TDP1: variants seen among roughly 807,000 people sequenced by gnomAD.
TDP1 encodes the protein tyr-DNA phosphodiesterase 1.
In TDP1, 64 loss-of-function variants were observed where a neutral mutation model predicts 81.5. The ratio of observed to expected loss-of-function variants is 0.79; its 90% CI spans 0.64 to 0.97. The LOEUF (loss-of-function observed/expected upper bound fraction) is 0.97, where lower values mean the gene tolerates loss of function less well. TDP1 is among the 50% of genes least tolerant of loss of function. The pLI is 0.00. For missense variants in TDP1, 723 were observed against 743.8 expected (o/e 0.97, Z 0.33); for synonymous variants, 256 against 264.3 (o/e 0.97, Z 0.30).
chr14:89,957,785 T>C (rs957330602), intron 2 of TDP1, among the ~76,000 whole-genome samples: 1 of 152,246 alleles, frequency 6.6e-6, no homozygotes, highest in Non-Finnish European at 1.5e-5. Context: ...CAAATTTCAC[T>C]CACACTCACC....
chr14:89,984,881 T>C, intron 9 of TDP1, 198 bp downstream of exon 9: 5 of 985,454 alleles, frequency 5.1e-6, no homozygotes, highest in Non-Finnish European at 6.0e-6. Context: ...CAGTGAATCC[T>C]CATGTTTACC....
chr14:89,992,927 A>G (rs1896341178), intron 13 of TDP1: 1 of 985,034 alleles, frequency 1.0e-6, no homozygotes. Context: ...GCTTTTCAAC[A>G]TTCATTTTTT....
At chr14:90,041,239 G>A (rs1888324809) in intron 16 of TDP1, among the ~76,000 whole-genome samples, 1 of 152,200 alleles carries the variant, frequency 6.6e-6, no homozygotes, top group Non-Finnish European at 1.5e-5. Context: ...AGGGCTTGCT[G>A]AGGCCAATGA....
intron 6 of TDP1, among the ~76,000 whole-genome samples, chr14:89,971,837 A>G (rs1219910578): frequency 1.3e-5 from 2 of 152,100 alleles, no homozygotes; most frequent in Non-Finnish European, 2.9e-5. Context: ...TAAAACTTGT[A>G]GTTTTTTGTG....
intron 3 of TDP1, 43 bp from the exon 4 acceptor site, chr14:89,966,104 G>A: frequency 7.4e-7 from 1 of 1,359,534 alleles, no homozygotes; most frequent in Non-Finnish European, 1.1e-6. Flanking sequence ...ATGACTAGAG[G>A]ATTTTTGTGA....
At chr14:89,996,502 C>T (rs1008792032) in intron 14 of TDP1, among the ~76,000 whole-genome samples, 4 of 152,192 alleles carry the variant, frequency 2.6e-5, no homozygotes, top group African/African-American at 9.7e-5. Context: ...CTCTTTCAGC[C>T]TCTGCTGGTC....
At chr14:90,014,824 T>C (rs1885129042) in intron 14 of TDP1, among the ~76,000 whole-genome samples, 1 of 152,228 alleles carries the variant, frequency 6.6e-6, no homozygotes, top group African/African-American at 2.4e-5. Flanking sequence ...TGATGGCAAC[T>C]GTTCCCATTA....
At chr14:89,973,924 G>A (rs1242581577) in intron 6 of TDP1, among the ~76,000 whole-genome samples, 1 of 152,140 alleles carries the variant, frequency 6.6e-6, no homozygotes, top group Non-Finnish European at 1.5e-5. Flanking sequence ...GAGGGAGAGG[G>A]AGGAAGACAG....
chr14:89,991,337 T>C (rs1314267810), intron 12 of TDP1, among the ~76,000 whole-genome samples: 1 of 152,248 alleles, frequency 6.6e-6, no homozygotes, highest in African/African-American at 2.4e-5. Context: ...TTAACAAAGC[T>C]GTTTTATAAC....
chr14:89,989,162 C>A, intron 11 of TDP1, 72 bp downstream of exon 11: 3 of 1,124,812 alleles, frequency 2.7e-6, no homozygotes, highest in Non-Finnish European at 3.6e-6. Flanking sequence ...AATTGGTCCT[C>A]TTTGTAATGG....
rs543450890 is a variant in TDP1, at chr14:90,033,144, T to G, written c.1683T>G (p.Ala561=). The G allele has an allele frequency of 9.3e-5, 150 of 1,613,700 alleles. No individual in the cohort carries two copies. The African/African-American group carries it at 1.9e-3, about 20-fold the overall frequency. The change falls in exon 16 of 17, where the codon GCT becomes GCG. Residue 561 remains alanine, a synonymous_variant. Coordinates refer to ENST00000335725, the MANE Select transcript of TDP1 (RefSeq NM_018319.4). ...TCAAAGTGAAACAGAAGTTCTTCGCTGGCAGCCAGGAGCCAATGGCCACCT... is the reference window on the plus strand; with the variant it reads ...TCAAAGTGAAACAGAAGTTCTTCGCGGGCAGCCAGGAGCCAATGGCCACCT... ...DSFKVKQKFF[A]GSQEPMATFP...
intron 12 of TDP1, 144 bp downstream of exon 12, chr14:89,989,909 C>T (rs1895997337): frequency 2.8e-6 from 2 of 719,040 alleles, no homozygotes; most frequent in African/African-American, 1.8e-5. Flanking sequence ...ATATGAAGCT[C>T]TGCATTCCGC....
intron 11 of TDP1, chr14:89,989,380 C>T (rs892679923): frequency 6.8e-5 from 67 of 984,904 alleles, no homozygotes; most frequent in Non-Finnish European, 8.1e-5. Flanking sequence ...GTTGTTGAAC[C>T]AAGGTAGAAA....
At chr14:89,970,142 C>T (rs1055340717) in intron 5 of TDP1, among the ~76,000 whole-genome samples, 6 of 152,100 alleles carry the variant, frequency 3.9e-5, no homozygotes, top group African/African-American at 1.2e-4. Context: ...TCCCAAAGTG[C>T]TGGGATTACA....
At chr14:89,986,375 C>T (rs554145143) in intron 10 of TDP1, among the ~76,000 whole-genome samples, 3 of 152,260 alleles carry the variant, frequency 2.0e-5, no homozygotes, top group Admixed American at 6.5e-5. Flanking sequence ...ACTTCCCTCC[C>T]GTGATTGTGA....
At chr14:89,967,447 A>T in intron 5 of TDP1, 25 bp downstream of exon 5, 1 of 1,600,548 alleles carries the variant, frequency 6.2e-7, no homozygotes, top group Non-Finnish European at 8.6e-7. Context: ...GTGACAGACA[A>T]CACTATAAAC....
intron 7 of TDP1, chr14:89,980,048 A>G (rs36124253): frequency 0.035 from 12,086 of 349,542 alleles, 417 homozygotes; most frequent in African/African-American, 0.11. Flanking sequence ...TTTACATTTC[A>G]GTGTATTGTG....
intron 13 of TDP1, 107 bp downstream of exon 13, chr14:89,992,090 A>G (rs1203940475): frequency 2.7e-5 from 24 of 899,470 alleles, no homozygotes; most frequent in Non-Finnish European, 4.3e-5. Flanking sequence ...TAATATAGCT[A>G]TATTCTTTCA....
At position 89,980,478 on chromosome 14, in the gene TDP1, G is replaced by C. The variant is rs927937817; in HGVS notation, c.792-62G>C. 92 of 1,508,378 alleles carry C rather than the reference G, an allele frequency of 6.1e-5. No homozygotes were observed. In the East Asian group the frequency reaches 2.0e-3, roughly 33 times the overall value. 93.4% of individuals were successfully genotyped at this position (1,508,378 alleles called of 1,614,324 possible). A position where few individuals can be genotyped will look rare whatever the true frequency, so the allele number is the denominator to read the frequency against. ...TTAGCTATGTATTACATTTGCATTGGAAAGGTATTACATATTTTGAAAGTA... is the reference window on the plus strand; with the variant it reads ...TTAGCTATGTATTACATTTGCATTGCAAAGGTATTACATATTTTGAAAGTA... On this transcript the variant is annotated intron_variant, in intron 7 of 16. Transcript: ENST00000335725.
Sources: allele counts gnomAD v4.1 joint callset (sites outside exome capture counted in the v4.1 genomes callset), GRCh38; gene constraint gnomAD v4.1.1; transcripts MANE v1.5; gene names NCBI Gene and HGNC (gene_info 2026-07-23, HGNC 2026-07-21).